The following TRAPPC10 variants were observed in gnomAD, a reference collection of about 807,000 sequenced individuals.
TRAPPC10 encodes trafficking protein particle complex subunit 10.
A neutral mutation model predicts 125.5 loss-of-function variants in TRAPPC10; 23 were observed. The observed-to-expected ratio is 0.18, with a 90% CI of 0.13 to 0.26. TRAPPC10 has a LOEUF of 0.26. Among genes scored for constraint, TRAPPC10 ranks in the 10% least tolerant of loss-of-function variants. The pLI, the probability that TRAPPC10 is intolerant of heterozygous loss-of-function variation, is 1.00. For synonymous variants in TRAPPC10, 509 were observed against 518.0 expected (o/e 0.98, Z 0.24); for missense variants, 1,123 against 1,308.4 (o/e 0.86, Z 2.19).
chr21:44,021,150 C>G (rs945333831), intron 1 of TRAPPC10, among the ~76,000 whole-genome samples: 6 of 152,236 alleles, frequency 3.9e-5, no homozygotes, highest in African/African-American at 1.4e-4. Context: ...ATACCCAGCA[C>G]TGTCTTTGCT....
At chr21:44,089,481 C>T (rs1465906660) in intron 17 of TRAPPC10, 1 of 462,954 alleles carries the variant, frequency 2.2e-6, no homozygotes, top group African/African-American at 2.0e-5. Flanking sequence ...TGTCAAAACC[C>T]TGTGCACATT....
chr21:44,065,336 A>G (rs2036365552), intron 7 of TRAPPC10, among the ~76,000 whole-genome samples: 1 of 152,152 alleles, frequency 6.6e-6, no homozygotes, highest in African/African-American at 2.4e-5. Context: ...AGGGCCGGGA[A>G]GTCACAGGTA....
intron 7 of TRAPPC10, among the ~76,000 whole-genome samples, chr21:44,064,301 ATATGTG>A (rs1443991560): frequency 2.9e-5 from 4 of 138,744 alleles, no homozygotes; most frequent in Non-Finnish European, 6.1e-5. Context: ...TATGTCATAA[ATATGTG>A]TGTGTGTGTG....
At chr21:44,079,970 C>T in intron 12 of TRAPPC10, 45 bp from the exon 13 acceptor site, 2 of 1,551,308 alleles carry the variant, frequency 1.3e-6, no homozygotes, top group Non-Finnish European at 1.8e-6. Flanking sequence ...TCCCCCCGCA[C>T]TCCTAAGTAT....
intron 6 of TRAPPC10, among the ~76,000 whole-genome samples, chr21:44,061,085 G>A (rs749365329): frequency 3.3e-5 from 5 of 151,314 alleles, no homozygotes; most frequent in Non-Finnish European, 5.9e-5. Context: ...CTACAGGTGC[G>A]CACCACCACG....
At position 44,012,493 on chromosome 21, in the gene TRAPPC10, C is replaced by T. The variant is rs931648752; in HGVS notation, c.-1C>T. 1.3e-4 allele frequency: 199 copies of T among 1,516,612 alleles called. No homozygotes were observed. The highest frequency in any genetic ancestry group is 1.6e-4 in the Non-Finnish European group (183 of 1,129,246). The allele number at this position is 1,516,612 out of a possible 1,614,324, so 93.9% of individuals were successfully genotyped here. The stretch of plus-strand genomic sequence containing the variant: ...GGCCGGGCCGGTGACGCCGGACGCC[C>T]ATGGACGCCTCTGAGGAGCCGCTGC... On this transcript the variant is annotated 5_prime_UTR_variant, in exon 1 of 23. Coordinates refer to ENST00000291574, the MANE Select transcript of TRAPPC10 (RefSeq NM_003274.5).
chr21:44,063,475 G>A lies in TRAPPC10; in HGVS notation c.791-63G>A. ...TGTTTGCCCACCATCCTCAGCCTGAGCAGGAAGCTCAGGAAGGTGAAGTAC... is the reference window on the plus strand; with the variant it reads ...TGTTTGCCCACCATCCTCAGCCTGAACAGGAAGCTCAGGAAGGTGAAGTAC... On this transcript the variant is annotated intron_variant, in intron 6 of 22. Transcript: ENST00000291574. The surrounding 1 kb of genome is among the most constrained non-coding windows in gnomAD (Gnocchi z 4.4). 1.9e-6 allele frequency: 3 copies of A among 1,581,800 alleles called. No homozygotes were observed. The highest frequency in any genetic ancestry group is 2.2e-5 in the East Asian group (1 of 44,610).
chr21:44,063,210 G>A lies in TRAPPC10; in HGVS notation c.791-328G>A. 7.9e-7 allele frequency: 1 copy of A among 1,273,272 alleles called. No homozygotes were observed. The highest frequency in any genetic ancestry group is 1.0e-6 in the Non-Finnish European group (1 of 989,010). 78.9% of individuals were successfully genotyped at this position (1,273,272 alleles called of 1,614,324 possible). A position where few individuals can be genotyped will look rare whatever the true frequency, so the allele number is the denominator to read the frequency against. On this transcript the variant is annotated intron_variant, in intron 6 of 22. Coordinates refer to ENST00000291574, the MANE Select transcript of TRAPPC10 (RefSeq NM_003274.5). The surrounding 1 kb of genome is among the most constrained non-coding windows in gnomAD (Gnocchi z 4.4). ...CCAGCCCCGCTGCAGCCTAAGACTA[G>A]AGCCCTCCCTCGGCCTGAGACAGAG...
At chr21:44,012,715 C>T (rs534299836) in intron 1 of TRAPPC10, among the ~76,000 whole-genome samples, 155 bp downstream of exon 1, 106 of 152,104 alleles carry the variant, frequency 7.0e-4, no homozygotes, top group African/African-American at 2.2e-3. Context: ...AGGCGGGGCC[C>T]TCTGACTTTT....
At chr21:44,095,247 T>C (rs2038849325) in intron 20 of TRAPPC10, among the ~76,000 whole-genome samples, 1 of 151,348 alleles carries the variant, frequency 6.6e-6, no homozygotes, top group South Asian at 2.1e-4. Flanking sequence ...ATTTATTTAT[T>C]TATTTATTTA....
chr21:44,024,164 G>A (rs1170733791), intron 1 of TRAPPC10, among the ~76,000 whole-genome samples: 1 of 152,212 alleles, frequency 6.6e-6, no homozygotes, highest in Non-Finnish European at 1.5e-5. Flanking sequence ...ACTCAGGGCT[G>A]CAGGGTTTTA....
chr21:44,075,731 C>T (rs1267277423), intron 9 of TRAPPC10, among the ~76,000 whole-genome samples: 1 of 152,186 alleles, frequency 6.6e-6, no homozygotes, highest in African/African-American at 2.4e-5. Context: ...AGTGATCCTC[C>T]TGCCCTGGCC....
Position 44,082,966 on chromosome 21 carries a change from G to C in TRAPPC10, c.1902G>C (p.Glu634Asp), listed in dbSNP as rs752096595. 28 of 1,613,982 alleles carry C rather than the reference G, an allele frequency of 1.7e-5. No individual in the cohort carries two copies. The East Asian group carries it at 6.2e-4, about 36-fold the overall frequency. ...QIVVNVHFSI[E>D]KNSYRKTAEW... Reference sequence around the variant, plus strand: ...TGGTCAATGTCCACTTCAGCATTGAGAAAAACAGCTACCGGAAGACTGCGG... The same window carrying C: ...TGGTCAATGTCCACTTCAGCATTGACAAAAACAGCTACCGGAAGACTGCGG... The change falls in exon 14 of 23, where the codon GAG becomes GAC. Residue 634 changes from glutamate to aspartate, a missense_variant. Transcript: ENST00000291574. This position sits in a 1 kb window ranked among gnomAD's most constrained non-coding sequence, Gnocchi z 4.4.
chr21:44,041,719 T>C (rs1355688301), intron 3 of TRAPPC10, among the ~76,000 whole-genome samples: 1 of 152,118 alleles, frequency 6.6e-6, no homozygotes, highest in Non-Finnish European at 1.5e-5. Context: ...CCCATCATTA[T>C]TTATTTATTA....
intron 2 of TRAPPC10, among the ~76,000 whole-genome samples, chr21:44,035,037 G>A (rs1274699490): frequency 6.6e-6 from 1 of 152,226 alleles, no homozygotes; most frequent in Non-Finnish European, 1.5e-5. Flanking sequence ...AGCAGGTCTG[G>A]AAACTCATGC....
At position 44,093,160 on chromosome 21, in the gene TRAPPC10, A is replaced by G. The variant is rs148225009; in HGVS notation, c.2998-903A>G. ...GTTTTGGAGCTGCATGGGATATGCT[A>G]TATATTAATTAATATCCTTTGGGCA... On this transcript the variant is annotated intron_variant, in intron 19 of 22. Coordinates refer to ENST00000291574, the MANE Select transcript of TRAPPC10 (RefSeq NM_003274.5). 1.8e-3 allele frequency among the ~76,000 whole-genome samples: 276 copies of G among 152,268 alleles called. 1 individual carries two copies. The highest frequency in any genetic ancestry group is 6.8e-3 in the Middle Eastern group (2 of 294).
In TRAPPC10 at chr21:44,081,818, G is replaced by C. The variant is rs140925958; in HGVS notation, c.1724-970G>C. The stretch of plus-strand genomic sequence containing the variant: ...CGCTTGAGCCCAGGAGAACTGGGCT[G>C]TAGTGAGCCAAGATGGTGCCACTAT... On this transcript the variant is annotated intron_variant, in intron 13 of 22. Coordinates refer to ENST00000291574, the MANE Select transcript of TRAPPC10 (RefSeq NM_003274.5). 3.0e-3 allele frequency among the ~76,000 whole-genome samples: 460 copies of C among 152,308 alleles called. 5 individuals are homozygous for C. The highest frequency in any genetic ancestry group is 0.01 in the African/African-American group (425 of 41,554).
chr21:44,032,113 T>C lies in TRAPPC10; in HGVS notation c.90T>C (p.Phe30=). Residue 30 remains phenylalanine (F), a synonymous_variant, in exon 2 of 23, where the codon TTT becomes TTC. Coordinates refer to ENST00000291574, the MANE Select transcript of TRAPPC10 (RefSeq NM_003274.5). ...TAGGTGCTGGAGATCAGAATTTATT[T>C]ACCTCTGTTTATCCAACGCTCTCTC... is the stretch of plus-strand genomic sequence containing the variant. ...IVTCAGDQNL[F]TSVYPTLSQQ... 4 of 1,613,978 alleles carry C rather than the reference T, an allele frequency of 2.5e-6. No individual in the cohort carries two copies. The African/African-American group carries it at 4.0e-5, about 16-fold the overall frequency.
chr21:44,037,879 A>C lies in TRAPPC10; in HGVS notation c.237A>C (p.Lys79Asn). The C allele has an allele frequency of 6.2e-7, 1 of 1,614,146 alleles. No individual in the cohort carries two copies. Among genetic ancestry groups the C allele is most frequent in the Non-Finnish European group, 8.5e-7 (1 of 1,180,036 alleles). ...KEELLPKEGN[K>N]ALLTFPFLHI... Reference sequence around the variant, plus strand: ...AGCTGCTGCCCAAAGAAGGAAACAAAGCTCTGCTCACGTTTCCCTTCCTCC... The same window carrying C: ...AGCTGCTGCCCAAAGAAGGAAACAACGCTCTGCTCACGTTTCCCTTCCTCC... Residue 79 changes from lysine (K) to asparagine (N), a missense_variant, in exon 3 of 23, where the codon AAA becomes AAC. Physicochemically the swap from Lys to Asn is moderately conservative, Grantham distance 94. Transcript: ENST00000291574.
Sources: allele counts gnomAD v4.1 joint callset (sites outside exome capture counted in the v4.1 genomes callset), GRCh38; gene constraint gnomAD v4.1.1; non-coding constraint Gnocchi (gnomAD v3.1); transcripts MANE v1.5; gene names NCBI Gene and HGNC (gene_info 2026-07-23, HGNC 2026-07-21).